Variants in RBMS3 observed in about 807,000 individuals in gnomAD.
RBMS3 encodes the protein RNA binding motif single stranded interacting protein 3, also known as RNA-binding motif, single-stranded-interacting protein 3.
In RBMS3, 27 loss-of-function variants were observed where a neutral mutation model predicts 66.8. The ratio of observed to expected loss-of-function variants is 0.40; its 90% CI spans 0.30 to 0.56. The LOEUF is 0.56. Ranked by LOEUF, RBMS3 falls within the 20% of genes least tolerant of loss-of-function variation. The pLI is 0.40. For synonymous variants in RBMS3, 188 were observed against 183.0 expected, an observed-to-expected ratio of 1.03 and a Z score of -0.22; for missense variants, 513 against 549.5, an observed-to-expected ratio of 0.93 and a Z score of 0.66.
chr3:29,737,270 C>T (rs368322795), intron 4 of RBMS3, among the ~76,000 whole-genome samples: 14 of 152,244 alleles, frequency 9.2e-5, no homozygotes, highest in East Asian at 1.9e-4. Flanking sequence ...CCACTGCGCC[C>T]GGCCTACAAA....
intron 1 of RBMS3, among the ~76,000 whole-genome samples, chr3:29,377,046 G>A (rs144797563): frequency 6.6e-6 from 1 of 151,994 alleles, no homozygotes; most frequent in Non-Finnish European, 1.5e-5. Flanking sequence ...CCAAGATCAT[G>A]CCATTGCACT....
chr3:29,292,007 T>C (rs796872105), intron 1 of RBMS3, among the ~76,000 whole-genome samples: 85 of 151,902 alleles, frequency 5.6e-4, no homozygotes, highest in African/African-American at 2.0e-3. Context: ...TTTTTCTCTC[T>C]GTAGCCCCAT....
chr3:29,762,767 G>A, intron 5 of RBMS3, 143 bp from the exon 6 acceptor site: 1 of 646,436 alleles, frequency 1.5e-6, no homozygotes, highest in South Asian at 1.8e-5. Context: ...TATCAATCTG[G>A]TCATCATGTT....
intron 2 of RBMS3, among the ~76,000 whole-genome samples, chr3:29,468,691 A>G (rs1314411487): frequency 6.6e-6 from 1 of 152,060 alleles, no homozygotes; most frequent in East Asian, 1.9e-4. Context: ...AGTTTATTTC[A>G]CATAAAATTG....
At chr3:29,811,908 T>C (rs1017768003) in intron 6 of RBMS3, among the ~76,000 whole-genome samples, 4 of 152,198 alleles carry the variant, frequency 2.6e-5, no homozygotes, top group African/African-American at 9.7e-5. Flanking sequence ...CTTAGGAAGT[T>C]GTGGAAGATA....
chr3:29,996,878 A>G (rs1699278313), intron 14 of RBMS3, among the ~76,000 whole-genome samples: 1 of 152,068 alleles, frequency 6.6e-6, no homozygotes, highest in South Asian at 2.1e-4. Context: ...AAGAGCAAAC[A>G]CATTCAAAAG....
chr3:29,512,667 C>A (rs1163740287), intron 3 of RBMS3, among the ~76,000 whole-genome samples: 1 of 152,146 alleles, frequency 6.6e-6, no homozygotes, highest in Non-Finnish European at 1.5e-5. Flanking sequence ...AACGAAATAA[C>A]CCACACCAAA....
At chr3:29,502,384 C>T (rs2044007446) in intron 3 of RBMS3, among the ~76,000 whole-genome samples, 1 of 152,034 alleles carries the variant, frequency 6.6e-6, no homozygotes, top group Non-Finnish European at 1.5e-5. Flanking sequence ...ACTCTTTCTC[C>T]CATAAAATAA....
intron 4 of RBMS3, among the ~76,000 whole-genome samples, chr3:29,730,033 A>C (rs2054063448): frequency 1.3e-5 from 2 of 152,180 alleles, no homozygotes; most frequent in South Asian, 2.1e-4. Flanking sequence ...TACCATAAAA[A>C]GGTAAAGGTA....
chr3:29,812,980 T>A (rs1442909376), intron 6 of RBMS3, among the ~76,000 whole-genome samples: 1 of 152,084 alleles, frequency 6.6e-6, no homozygotes, highest in East Asian at 1.9e-4. Context: ...ATATTATATA[T>A]TGCTGTAGTA....
intron 6 of RBMS3, among the ~76,000 whole-genome samples, chr3:29,794,405 T>C (rs2057112961): frequency 1.3e-5 from 2 of 152,014 alleles, no homozygotes; most frequent in Admixed American, 6.6e-5. Context: ...GCTAACATGG[T>C]GAAACCCCGT....
intron 3 of RBMS3, among the ~76,000 whole-genome samples, chr3:29,516,872 G>A (rs1275161019): frequency 6.6e-6 from 1 of 152,120 alleles, no homozygotes; most frequent in African/African-American, 2.4e-5. Context: ...TTAGCAATTA[G>A]GTTATCATTA....
intron 4 of RBMS3, among the ~76,000 whole-genome samples, chr3:29,617,339 A>G (rs776281901): frequency 1.3e-5 from 2 of 152,198 alleles, no homozygotes; most frequent in Non-Finnish European, 2.9e-5. Flanking sequence ...TTGTGTTAAG[A>G]AGGTGGTACA....
At chr3:29,398,899 T>A (rs2039679855) in intron 1 of RBMS3, among the ~76,000 whole-genome samples, 1 of 152,142 alleles carries the variant, frequency 6.6e-6, no homozygotes, top group Admixed American at 6.5e-5. Flanking sequence ...GACGATTGGT[T>A]TTGTTTTTAT....
At chr3:29,354,914 T>A (rs896357816) in intron 1 of RBMS3, among the ~76,000 whole-genome samples, 5 of 152,146 alleles carry the variant, frequency 3.3e-5, no homozygotes, top group African/African-American at 1.2e-4. Flanking sequence ...CTTACTTAAC[T>A]GTTAAAAAGA....
At chr3:29,647,201 A>G (rs1300258858) in intron 4 of RBMS3, among the ~76,000 whole-genome samples, 2 of 152,008 alleles carry the variant, frequency 1.3e-5, no homozygotes, top group Non-Finnish European at 2.9e-5. Flanking sequence ...CTGGTCTCGA[A>G]CTCCTGACCT....
intron 1 of RBMS3, among the ~76,000 whole-genome samples, chr3:29,305,040 A>G (rs1575506014): frequency 6.6e-6 from 1 of 151,732 alleles, no homozygotes; most frequent in Non-Finnish European, 1.5e-5. Context: ...TTCATATTCC[A>G]GTCACGATGG....
chr3:29,707,545 A>G (rs1250018871), intron 4 of RBMS3, among the ~76,000 whole-genome samples: 2 of 152,220 alleles, frequency 1.3e-5, no homozygotes, highest in Non-Finnish European at 2.9e-5. Flanking sequence ...AACATCTGAC[A>G]AGAAAAACCA....
chr3:29,820,464 G>C (rs1483016279), intron 6 of RBMS3, among the ~76,000 whole-genome samples: 1 of 151,716 alleles, frequency 6.6e-6, no homozygotes, highest in East Asian at 1.9e-4. Context: ...AATTTTTCTG[G>C]TACTTCAATC....
Sources: allele counts gnomAD v4.1 joint callset (sites outside exome capture counted in the v4.1 genomes callset), GRCh38; gene constraint gnomAD v4.1.1; transcripts MANE v1.5; gene names NCBI Gene and HGNC (gene_info 2026-07-23, HGNC 2026-07-21).